The following NHS variants were observed in gnomAD, a reference collection of about 807,000 sequenced individuals.
The protein encoded by NHS is actin remodeling regulator NHS.
A neutral mutation model predicts 72.5 loss-of-function variants in NHS; 5 were observed. The observed-to-expected ratio is 0.07, with a 90% confidence interval of 0.04 to 0.14. The LOEUF is 0.14. NHS is among the 10% of genes least tolerant of loss of function. The pLI, the probability that NHS is intolerant of heterozygous loss-of-function variation, is 1.00. For missense variants in NHS, 1,072 were observed against 1,355.7 expected, an observed-to-expected ratio of 0.79 and a Z score of 3.29; for synonymous variants, 464 against 547.7, an observed-to-expected ratio of 0.85 and a Z score of 2.13.
At chrX:17,491,713 A>G (rs1236806122) in intron 1 of NHS, among the ~76,000 whole-genome samples, 1 of 100,744 alleles carries the variant, frequency 9.9e-6, no homozygotes, top group Non-Finnish European at 2.0e-5. Context: ...TCCTCCTTGT[A>G]TCTCTGGTTG....
intron 1 of NHS, among the ~76,000 whole-genome samples, chrX:17,464,523 C>T (rs906203998): frequency 1.3e-4 from 15 of 112,202 alleles, no homozygotes; most frequent in African/African-American, 4.8e-4. Flanking sequence ...TGAGTCCCCA[C>T]CTCCACATCC....
chrX:17,675,026 T>C (rs1014080032), intron 1 of NHS, among the ~76,000 whole-genome samples: 11 of 112,517 alleles, frequency 9.8e-5, no homozygotes, highest in African/African-American at 3.6e-4. Context: ...ATTTTAGTTA[T>C]TTATTAACTA....
chrX:17,686,564 A>G (rs1333546345), intron 1 of NHS, among the ~76,000 whole-genome samples: 6 of 112,104 alleles, frequency 5.4e-5, no homozygotes, highest in African/African-American at 1.9e-4. Context: ...CTTTCCACAG[A>G]CATGCTTTCT....
At chrX:17,547,840 C>A (rs1406049648) in intron 1 of NHS, among the ~76,000 whole-genome samples, 1 of 111,882 alleles carries the variant, frequency 8.9e-6, no homozygotes, top group East Asian at 2.8e-4. Context: ...GCTGGAAGGT[C>A]TAGGATGGCC....
At chrX:17,460,061 G>T (rs1278731320) in intron 1 of NHS, among the ~76,000 whole-genome samples, 1 of 111,583 alleles carries the variant, frequency 9.0e-6, no homozygotes, top group Non-Finnish European at 1.9e-5. Context: ...CTGTTGGGGG[G>T]AGGTTGGGTG....
chrX:17,588,111 G>A (rs189694199), intron 1 of NHS, among the ~76,000 whole-genome samples: 1 of 112,032 alleles, frequency 8.9e-6, no homozygotes, highest in African/African-American at 3.2e-5. Context: ...TGTGTTCTTA[G>A]GCTTGTCTTG....
In NHS at chrX:17,687,748, C is replaced by A; in HGVS notation, c.572C>A (p.Ser191Tyr). The A allele has an allele frequency of 8.3e-7, 1 of 1,211,907 alleles. No individual in the cohort carries two copies. Among genetic ancestry groups the A allele is most frequent in the Non-Finnish European group, 1.1e-6 (1 of 895,551 alleles). ...LDPKQEAVPV[S>Y]NLDIESKLSV... ...CCTGTTTCTTGTCTTGCAGCCGTCT[C>A]CAACCTGGACATAGAGAGTAAGCTG... The change falls in exon 2 of 9, where the codon TCC becomes TAC. Residue 191 changes from serine to tyrosine, a missense_variant. Transcript: ENST00000676302.
At position 17,727,689 on chromosome X, in the gene NHS, AC is replaced by A; in HGVS notation, c.3584del (p.Thr1195MetfsTer9). ...ANKSVSRQYS[T>X]EDTILSFLDS... ...TAAATCAGTATCTCGTCAATACTCC[AC>A]TGAAGACACCATACTGTCCTTTTTA... On this transcript the variant is annotated frameshift_variant, in exon 7 of 9. Transcript: ENST00000676302. LOFTEE classifies it high-confidence loss of function. The A allele has an allele frequency of 8.3e-7, 1 of 1,211,550 alleles. No homozygotes were observed. Among genetic ancestry groups the A allele is most frequent in the Non-Finnish European group, 1.1e-6 (1 of 895,137 alleles).
At chrX:17,380,432 G>C (rs191860007) in intron 1 of NHS, among the ~76,000 whole-genome samples, 1 of 105,242 alleles carries the variant, frequency 9.5e-6, no homozygotes, top group African/African-American at 3.5e-5. Flanking sequence ...ACTTGATCAT[G>C]ACTCACTGCA....
chrX:17,408,943 C>T (rs922958273), intron 1 of NHS, among the ~76,000 whole-genome samples: 3 of 101,742 alleles, frequency 2.9e-5, no homozygotes, highest in African/African-American at 8.3e-5. Context: ...AGGGAGAAAC[C>T]GACGGAGAGA....
intron 1 of NHS, among the ~76,000 whole-genome samples, chrX:17,496,380 A>G (rs984107793): frequency 4.5e-5 from 5 of 111,593 alleles, no homozygotes; most frequent in African/African-American, 1.6e-4. Flanking sequence ...ACCCACCTCA[A>G]ACAGGCTTGA....
intron 1 of NHS, among the ~76,000 whole-genome samples, chrX:17,536,386 A>C (rs1246924535): frequency 8.9e-6 from 1 of 112,268 alleles, no homozygotes; most frequent in African/African-American, 3.2e-5. Flanking sequence ...ACAAACAAAC[A>C]AACAAAAAAC....
At chrX:17,570,051 A>G (rs1444527345) in intron 1 of NHS, among the ~76,000 whole-genome samples, 1 of 111,823 alleles carries the variant, frequency 8.9e-6, no homozygotes. Context: ...TACCAGTAGC[A>G]TGCTGTTTTG....
rs920300458 is a variant in NHS, at chrX:17,732,535, G to A, written c.*71G>A. 11 of 1,199,921 alleles carry A rather than the reference G, an allele frequency of 9.2e-6. No individual in the cohort carries two copies. In the Admixed American group the frequency reaches 1.7e-4, roughly 19 times the overall value. On this transcript the variant is annotated 3_prime_UTR_variant, in exon 9 of 9. Coordinates refer to ENST00000676302, the MANE Select transcript of NHS (RefSeq NM_001291867.2). Reference sequence around the variant, plus strand: ...CATGAGGATGGAGGAACAGAACAGAGGACTTGGGAAAAGTCTCAACTTGAT... The same window carrying A: ...CATGAGGATGGAGGAACAGAACAGAAGACTTGGGAAAAGTCTCAACTTGAT...
chrX:17,535,782 A>T (rs1416108074), intron 1 of NHS, among the ~76,000 whole-genome samples: 1 of 110,967 alleles, frequency 9.0e-6, no homozygotes, highest in Non-Finnish European at 1.9e-5. Context: ...GGATCTTGCT[A>T]CATTGCCCAG....
intron 1 of NHS, among the ~76,000 whole-genome samples, chrX:17,585,171 G>A (rs759692349): frequency 8.1e-5 from 9 of 111,330 alleles, no homozygotes; most frequent in Non-Finnish European, 1.5e-4. Flanking sequence ...CTGTTCCTTA[G>A]AGTTAATCAT....
intron 1 of NHS, among the ~76,000 whole-genome samples, chrX:17,555,972 A>G (rs1458605239): frequency 8.9e-6 from 1 of 112,503 alleles, no homozygotes; most frequent in Non-Finnish European, 1.9e-5. Context: ...GATTCATGTA[A>G]AGAAAACAGA....
intron 1 of NHS, among the ~76,000 whole-genome samples, chrX:17,571,179 C>G (rs2065476140): frequency 8.9e-6 from 1 of 112,115 alleles, no homozygotes; most frequent in African/African-American, 3.2e-5. Context: ...TGATGCTGGC[C>G]TCATAAAATG....
At chrX:17,706,315 AT>A (rs944927319) in intron 3 of NHS, among the ~76,000 whole-genome samples, 15 of 111,861 alleles carry the variant, frequency 1.3e-4, no homozygotes, top group African/African-American at 4.9e-4. Flanking sequence ...AACTGACAAA[AT>A]TTAAATAAGG....
Sources: gnomAD v4.1 joint callset for allele counts (sites outside exome capture counted in the v4.1 genomes callset) on GRCh38, gnomAD v4.1.1 for gene constraint, MANE v1.5 for transcripts, NCBI Gene and HGNC (gene_info 2026-07-23, HGNC 2026-07-21) for gene names.